Variants in DENND6B observed in about 807,000 individuals in gnomAD.
DENND6B encodes protein DENND6B.
Under a neutral mutation model 85.1 loss-of-function variants are expected in DENND6B, and 73 were observed. That is an observed-to-expected ratio of 0.86 (90% CI 0.71 to 1.04). The LOEUF is 1.04. Ranked by LOEUF, DENND6B falls within the 50% of genes least tolerant of loss-of-function variation. The pLI is 0.00. For synonymous variants in DENND6B, 357 were observed against 329.3 expected, an observed-to-expected ratio of 1.08 and a Z score of -0.91; for missense variants, 715 against 785.8, an observed-to-expected ratio of 0.91 and a Z score of 1.08.
At chr22:50,317,463 T>G in intron 4 of DENND6B, 90 bp from the exon 5 acceptor site, 1 of 1,413,342 alleles carries the variant, frequency 7.1e-7, no homozygotes, top group Non-Finnish European at 9.9e-7. Flanking sequence ...ATGCAGGGAC[T>G]GCTGCAGATG....
Position 50,313,446 on chromosome 22 carries a change from C to T in DENND6B, c.1347G>A (p.Lys449=), listed in dbSNP as rs867434358. ...CACAAAACCCCCACAGGACCCCCACCTTCCAGGGCGTGATGCTCTTCTGCA... is the reference window on the plus strand; with the variant it reads ...CACAAAACCCCCACAGGACCCCCACTTTCCAGGGCGTGATGCTCTTCTGCA... ...MPLQKSITPW[K]TPPQIQPFSQ... The change falls in exon 16 of 20, where the codon AAG becomes AAA. Residue 449 remains lysine, a splice_region_variant and synonymous_variant. Transcript: ENST00000413817. The T allele has an allele frequency of 1.3e-6, 2 of 1,538,030 alleles. No homozygotes were observed. Among genetic ancestry groups the T allele is most frequent in the Admixed American group, 2.0e-5 (1 of 49,220 alleles).
At position 50,312,547 on chromosome 22, in the gene DENND6B, C is replaced by G. The variant is rs775034393; in HGVS notation, c.1536G>C (p.Leu512=). ...CCGCCTCACAGATAGCCTCCAGGTG[C>G]AGGGCCTCCAGCTTCAGGGCCATCT... ...HKEMALKLEA[L]HLEAICEANI... Residue 512 remains leucine, a synonymous_variant, in exon 18 of 20, where the codon CTG becomes CTC. Transcript: ENST00000413817. The G allele has an allele frequency of 6.3e-7, 1 of 1,594,764 alleles. No homozygotes were observed. Among genetic ancestry groups the G allele is most frequent in the South Asian group, 1.1e-5 (1 of 88,392 alleles).
intron 9 of DENND6B, 140 bp from the exon 10 acceptor site, chr22:50,315,061 C>G (rs1329732662): frequency 8.2e-7 from 1 of 1,220,632 alleles, no homozygotes; most frequent in African/African-American, 1.5e-5. Flanking sequence ...ACAGATCTAT[C>G]TGAAGATGTG....
At chr22:50,326,712 G>A in intron 1 of DENND6B, 100 bp downstream of exon 1, 1 of 1,103,614 alleles carries the variant, frequency 9.1e-7, no homozygotes. Flanking sequence ...CCGAAGGCCA[G>A]GGAGAGTGCG....
Position 50,326,896 on chromosome 22 carries a change from CG to C in DENND6B, c.92del (p.Pro31ArgfsTer109). On this transcript the variant is annotated frameshift_variant, in exon 1 of 20. Transcript: ENST00000413817. LOFTEE classifies it high-confidence loss of function. The part of the protein sequence containing the change: ...PTSSGRAART[P>X]AAPWARFSAW... The stretch of plus-strand genomic sequence containing the variant: ...CGGAGAAGCGCGCCCAGGGCGCCGC[CG>C]GGGTCCGCGCCGCGCGACCTGAAGA... 5.7e-6 allele frequency: 8 copies of C among 1,401,742 alleles called. No individual in the cohort carries two copies. The highest frequency in any genetic ancestry group is 2.9e-5 in the South Asian group (2 of 68,118). 86.8% of individuals were successfully genotyped at this position (1,401,742 alleles called of 1,614,324 possible). A position where few individuals can be genotyped will look rare whatever the true frequency, so the allele number is the denominator to read the frequency against.
At chr22:50,314,308 C>T (rs1017842757) in intron 12 of DENND6B, 36 bp from the exon 13 acceptor site, 33 of 1,601,834 alleles carry the variant, frequency 2.1e-5, no homozygotes, top group Admixed American at 1.0e-4. Flanking sequence ...CCTCAGTGCC[C>T]GCAGCTCTGG....
chr22:50,322,315 C>A (rs1458868890), intron 1 of DENND6B, among the ~76,000 whole-genome samples: 4 of 152,076 alleles, frequency 2.6e-5, no homozygotes, highest in African/African-American at 9.7e-5. Context: ...ACCTTGTGAT[C>A]CACCTGCCTC....
At chr22:50,314,065 C>A (rs2041694363) in intron 13 of DENND6B, 142 bp downstream of exon 13, 1 of 1,297,028 alleles carries the variant, frequency 7.7e-7, no homozygotes, top group African/African-American at 1.5e-5. Context: ...AGCGACCCCT[C>A]CCCAAGGGTT....
chr22:50,316,257 C>T lies in DENND6B; in HGVS notation c.560-4G>A, dbSNP rs562764791. On this transcript the variant is annotated splice_region_variant and splice_polypyrimidine_tract_variant and intron_variant, in intron 6 of 19. Coordinates refer to ENST00000413817, the MANE Select transcript of DENND6B (RefSeq NM_001001794.4). ...CACTGGTCGATCTCACTGCACACTG[C>T]GGATGCAGTAGCCCGCATCAGGACC... The T allele has an allele frequency of 2.3e-5, 37 of 1,598,106 alleles. No homozygotes were observed. Among genetic ancestry groups the T allele is most frequent in the Middle Eastern group, 1.6e-4 (1 of 6,070 alleles).
Position 50,312,558 on chromosome 22 carries a change from G to A in DENND6B, c.1525C>T (p.Leu509=), listed in dbSNP as rs1330636904. 6.3e-7 allele frequency: 1 copy of A among 1,596,492 alleles called. No individual in the cohort carries two copies. Among genetic ancestry groups the A allele is most frequent in the Non-Finnish European group, 8.5e-7 (1 of 1,172,380 alleles). ...RQRHKEMALK[L]EALHLEAICE... is the part of the protein sequence containing the mutation. Reference sequence around the variant, plus strand: ...ATAGCCTCCAGGTGCAGGGCCTCCAGCTTCAGGGCCATCTCCTTGTGCCGC... The same window carrying A: ...ATAGCCTCCAGGTGCAGGGCCTCCAACTTCAGGGCCATCTCCTTGTGCCGC... The change falls in exon 18 of 20, where the codon CTG becomes TTG. Residue 509 remains leucine, a synonymous_variant. Coordinates refer to ENST00000413817, the MANE Select transcript of DENND6B (RefSeq NM_001001794.4).
At chr22:50,319,195 T>G in intron 1 of DENND6B, 192 bp from the exon 2 acceptor site, 4 of 1,500,890 alleles carry the variant, frequency 2.7e-6, no homozygotes, top group Non-Finnish European at 3.5e-6. Context: ...CACACCATAT[T>G]CTCTGTGTTC....
chr22:50,312,458 A>T, intron 18 of DENND6B, 41 bp from the exon 19 acceptor site: 1 of 1,593,408 alleles, frequency 6.3e-7, no homozygotes, highest in Non-Finnish European at 8.5e-7. Context: ...AAGGCCCCTC[A>T]CTGCCCTGGG....
intron 1 of DENND6B, among the ~76,000 whole-genome samples, chr22:50,320,321 C>G (rs780229911): frequency 3.3e-5 from 5 of 152,236 alleles, no homozygotes; most frequent in Non-Finnish European, 5.9e-5. Flanking sequence ...TAGGCTCAAG[C>G]GATCCTCCCG....
intron 13 of DENND6B, 164 bp downstream of exon 13, chr22:50,314,043 T>G (rs1484960787): frequency 8.0e-7 from 1 of 1,244,812 alleles, no homozygotes; most frequent in Non-Finnish European, 1.1e-6. Flanking sequence ...CGAGACCCAC[T>G]GAAGAGAAGA....
chr22:50,324,935 C>T (rs975183797), intron 1 of DENND6B, among the ~76,000 whole-genome samples: 1 of 152,192 alleles, frequency 6.6e-6, no homozygotes, highest in Non-Finnish European at 1.5e-5. Context: ...AAGCACAGTC[C>T]TGGGGCTTTG....
intron 1 of DENND6B, among the ~76,000 whole-genome samples, chr22:50,322,775 T>G (rs977582689): frequency 3.3e-5 from 5 of 151,928 alleles, no homozygotes; most frequent in Non-Finnish European, 7.4e-5. Flanking sequence ...GGTCTCAAAC[T>G]CCTGACCTCA....
At chr22:50,312,733 C>A in intron 17 of DENND6B, 108 bp from the exon 18 acceptor site, 1 of 429,124 alleles carries the variant, frequency 2.3e-6, no homozygotes, top group Non-Finnish European at 4.0e-6. Flanking sequence ...ATGGGGCTGA[C>A]CCTGGGGATT....
At chr22:50,323,281 CTTTT>C (rs571677497) in intron 1 of DENND6B, among the ~76,000 whole-genome samples, 3 of 126,100 alleles carry the variant, frequency 2.4e-5, no homozygotes, top group Non-Finnish European at 3.3e-5. Context: ...ATGCCTGGCT[CTTTT>C]TTTTTTTTTT....
At chr22:50,324,819 C>T (rs1426307317) in intron 1 of DENND6B, among the ~76,000 whole-genome samples, 1 of 152,180 alleles carries the variant, frequency 6.6e-6, no homozygotes, top group Non-Finnish European at 1.5e-5. Flanking sequence ...AAACAGGACC[C>T]CCTCCCCTGT....
Sources: allele counts gnomAD v4.1 joint callset (sites outside exome capture counted in the v4.1 genomes callset), GRCh38; gene constraint gnomAD v4.1.1; transcripts MANE v1.5; gene names NCBI Gene and HGNC (gene_info 2026-07-23, HGNC 2026-07-21).